Variants in SETBP1 observed in about 807,000 individuals in gnomAD.
SETBP1 encodes the protein SET-binding protein.
SETBP1 carries 9 observed loss-of-function variants against 101.0 expected under a neutral mutation model. The ratio of observed to expected loss-of-function variants is 0.09; its 90% CI spans 0.05 to 0.16. The LOEUF (loss-of-function observed/expected upper bound fraction) is 0.16, where lower values mean the gene tolerates loss of function less well. Among genes scored for constraint, SETBP1 ranks in the 10% least tolerant of loss-of-function variants. The pLI is 1.00. For synonymous variants in SETBP1, 818 were observed against 788.5 expected, an observed-to-expected ratio of 1.04 and a Z score of -0.63; for missense variants, 1,858 against 2,033.8, an observed-to-expected ratio of 0.91 and a Z score of 1.66.
chr18:44,868,667 C>CGAGA lies in SETBP1; in HGVS notation c.487-535_487-532dup, dbSNP rs147824825. Among the ~76,000 whole-genome samples, 591 of 87,170 alleles carry CGAGA rather than the reference C, an allele frequency of 6.8e-3. 20 individuals carry two copies. The highest frequency in any genetic ancestry group is 0.015 in the East Asian group (40 of 2,624). The allele number at this position is 87,170 out of a possible 152,430, so 57.2% of individuals were successfully genotyped here. Reference sequence around the variant, plus strand: ...CCAAGATCATGCCACTGTACTCCAGCGAGAGAGAGAGAGAGAGAGAGAGAG... The same window carrying CGAGA: ...CCAAGATCATGCCACTGTACTCCAGCGAGAGAGAGAGAGAGAGAGAGAGAGAGAG... On this transcript the variant is annotated intron_variant, in intron 2 of 5. Coordinates refer to ENST00000649279, the MANE Select transcript of SETBP1 (RefSeq NM_015559.3).
intron 4 of SETBP1, among the ~76,000 whole-genome samples, chr18:44,989,562 T>C (rs1362855366): frequency 6.6e-6 from 1 of 151,926 alleles, no homozygotes; most frequent in Non-Finnish European, 1.5e-5. Flanking sequence ...TTTCTAGAAT[T>C]GATGAAAGCC....
At position 44,952,740 on chromosome 18, in the gene SETBP1, C is replaced by T; in HGVS notation, c.3400C>T (p.Pro1134Ser). The T allele has an allele frequency of 6.2e-7, 1 of 1,614,088 alleles. No individual in the cohort carries two copies. Among genetic ancestry groups the T allele is most frequent in the Non-Finnish European group, 8.5e-7 (1 of 1,180,012 alleles). The change falls in exon 4 of 6, where the codon CCT becomes TCT. Residue 1134 changes from proline (P) to serine (S), a missense_variant. By Grantham distance (74) the Pro-to-Ser change is moderately conservative (BLOSUM62 -1). Transcript: ENST00000649279. ...TGGTGACATGCAGCCTTCTCTGAAC[C>T]CTCCCAAGGTAGGCAGTGCCAGTCT... ...GLGDMQPSLN[P>S]PKVGSASLSS...
chr18:44,990,631 A>AACCAAAAAAAAACATACAC, intron 4 of SETBP1, among the ~76,000 whole-genome samples: 1 of 151,326 alleles, frequency 6.6e-6, no homozygotes, highest in Non-Finnish European at 1.5e-5. Context: ...AAAACAAACA[A>AACCAAAAAAAAACATACAC]ACCAAAAAAA....
intron 2 of SETBP1, among the ~76,000 whole-genome samples, chr18:44,831,643 C>T (rs530641831): frequency 3.3e-5 from 5 of 152,132 alleles, no homozygotes; most frequent in Admixed American, 6.5e-5. Context: ...TTGTACTTAT[C>T]GCCTCAGGTT....
At chr18:44,806,613 T>A (rs1459372919) in intron 2 of SETBP1, among the ~76,000 whole-genome samples, 1 of 135,616 alleles carries the variant, frequency 7.4e-6, no homozygotes, top group Non-Finnish European at 1.6e-5. Context: ...CTTTGGCTCA[T>A]AATGAGCTCC....
intron 2 of SETBP1, among the ~76,000 whole-genome samples, chr18:44,711,358 GCTTC>G (rs10539959): frequency 0.72 from 94,940 of 132,526 alleles, 34,409 homozygotes; most frequent in Middle Eastern, 0.81. Flanking sequence ...CAGCTCGTTT[GCTTC>G]CTTCCTTCCT....
In SETBP1 at chr18:44,953,273, A is replaced by C. The variant is rs757577572; in HGVS notation, c.3933A>C (p.Glu1311Asp). 3.1e-6 allele frequency: 5 copies of C among 1,613,994 alleles called. No individual in the cohort carries two copies. In the African/African-American group the frequency reaches 5.3e-5, roughly 17 times the overall value. Residue 1311 changes from glutamate (E) to aspartate (D), a missense_variant, in exon 4 of 6, where the codon GAA (glutamate) becomes GAC (aspartate). Physicochemically the swap from Glu to Asp is conservative, Grantham distance 45. Around this residue, in one of 12 missense-constraint regions of SETBP1, gnomAD observed 417 missense variants for 389.1 expected, o/e 1.07. Transcript: ENST00000649279. Reference protein sequence around the residue: ...RSYEGFGTYREKDIQAFKMNR... With the variant: ...RSYEGFGTYRDKDIQAFKMNR... The stretch of plus-strand genomic sequence containing the variant: ...ATGAAGGCTTTGGAACGTACAGGGA[A>C]AAGGACATCCAAGCCTTCAAGATGA...
chr18:44,766,881 T>C (rs1344793720), intron 2 of SETBP1, among the ~76,000 whole-genome samples: 7 of 152,162 alleles, frequency 4.6e-5, no homozygotes, highest in Non-Finnish European at 7.4e-5. Context: ...TAAAATGAAA[T>C]GGTAATAATC....
At chr18:44,732,363 C>T (rs183688994) in intron 2 of SETBP1, among the ~76,000 whole-genome samples, 62 of 152,238 alleles carry the variant, frequency 4.1e-4, no homozygotes, top group African/African-American at 1.3e-3. Flanking sequence ...TCTGCATGTA[C>T]GATCAAAAAT....
intron 3 of SETBP1, among the ~76,000 whole-genome samples, chr18:44,875,776 C>T (rs1358435173): frequency 6.6e-6 from 1 of 152,150 alleles, no homozygotes; most frequent in African/African-American, 2.4e-5. Flanking sequence ...CCCCATTTTA[C>T]AAGTCAGCAC....
At chr18:44,954,629 T>G (rs934790014) in intron 4 of SETBP1, among the ~76,000 whole-genome samples, 1 of 152,188 alleles carries the variant, frequency 6.6e-6, no homozygotes, top group African/African-American at 2.4e-5. Flanking sequence ...CGCCCCAGAT[T>G]GCCACTAGCC....
intron 4 of SETBP1, among the ~76,000 whole-genome samples, chr18:44,995,609 T>C (rs1018013111): frequency 6.6e-6 from 1 of 151,904 alleles, no homozygotes; most frequent in Non-Finnish European, 1.5e-5. Context: ...CATTTCTGTA[T>C]TCATCCATTT....
chr18:44,768,212 A>G (rs929269958), intron 2 of SETBP1, among the ~76,000 whole-genome samples: 5 of 152,186 alleles, frequency 3.3e-5, no homozygotes, highest in Non-Finnish European at 2.9e-5. Context: ...GATTGCCAAG[A>G]GATTGTTAAG....
intron 3 of SETBP1, among the ~76,000 whole-genome samples, chr18:44,900,657 G>T (rs548685721): frequency 3.3e-5 from 5 of 152,298 alleles, no homozygotes; most frequent in Admixed American, 3.3e-4. Context: ...AGCAGCATCA[G>T]CATCCTCTGG....
At chr18:45,024,873 ACTGACT>A (rs1213472025) in intron 4 of SETBP1, among the ~76,000 whole-genome samples, 1 of 152,220 alleles carries the variant, frequency 6.6e-6, no homozygotes, top group Non-Finnish European at 1.5e-5. Context: ...TTTCAGTAGG[ACTGACT>A]CTCTCCAATC....
chr18:44,756,574 C>G (rs1046503481), intron 2 of SETBP1, among the ~76,000 whole-genome samples: 1 of 152,166 alleles, frequency 6.6e-6, no homozygotes, highest in South Asian at 2.1e-4. Context: ...CTGCAATGAC[C>G]ACCATGAGGA....
chr18:45,060,509 C>G (rs2073874288), intron 5 of SETBP1, among the ~76,000 whole-genome samples: 1 of 151,982 alleles, frequency 6.6e-6, no homozygotes, highest in South Asian at 2.1e-4. Flanking sequence ...GGAGCCATGA[C>G]TTAGCTCCAT....
rs17711101 is a variant in SETBP1 at position 44,759,360 on chromosome 18, C to T, written c.486+57528C>T. On this transcript the variant is annotated intron_variant, in intron 2 of 5. Coordinates refer to ENST00000649279, the MANE Select transcript of SETBP1 (RefSeq NM_015559.3). The stretch of plus-strand genomic sequence containing the variant: ...GCGAAGCTTTCCTGCGAAGGTGATA[C>T]GTTCAACATGTAAAGCATAATCCCT... Among the ~76,000 whole-genome samples the T allele has an allele frequency of 8.7e-3, 1,326 of 152,252 alleles. 9 individuals carry two copies. The highest frequency in any genetic ancestry group is 0.013 in the Non-Finnish European group (913 of 68,018).
intron 4 of SETBP1, among the ~76,000 whole-genome samples, chr18:44,955,331 T>A (rs1353796798): frequency 1.3e-5 from 2 of 152,058 alleles, no homozygotes; most frequent in East Asian, 3.9e-4. Flanking sequence ...TGGGAAGAAA[T>A]AGGTGTCATG....
Sources: gnomAD v4.1 joint callset for allele counts (sites outside exome capture counted in the v4.1 genomes callset) on GRCh38, gnomAD v4.1.1 for gene constraint, gnomAD v4.1.1 regional missense constraint, MANE v1.5 for transcripts, NCBI Gene and HGNC (gene_info 2026-07-23, HGNC 2026-07-21) for gene names.